The following ADD3 variants were observed in gnomAD, a reference collection of about 807,000 sequenced individuals.
ADD3 encodes gamma-adducin.
Under a neutral mutation model 80.2 loss-of-function variants are expected in ADD3, and 25 were observed. That is an observed-to-expected ratio of 0.31 (90% CI 0.23 to 0.44). The LOEUF (loss-of-function observed/expected upper bound fraction) is 0.44, where lower values mean the gene tolerates loss of function less well. Ranked by LOEUF, ADD3 falls within the 20% of genes least tolerant of loss-of-function variation. The pLI, the probability that ADD3 is intolerant of heterozygous loss-of-function variation, is 1.00. For synonymous variants in ADD3, 284 were observed against 289.6 expected (o/e 0.98, Z 0.20); for missense variants, 829 against 847.5 (o/e 0.98, Z 0.27).
chr10:110,051,350 A>G (rs1857493360), intron 1 of ADD3, among the ~76,000 whole-genome samples: 1 of 152,224 alleles, frequency 6.6e-6, no homozygotes, highest in Non-Finnish European at 1.5e-5. Context: ...AGAAATTAGA[A>G]ACTGCTGCTT....
At chr10:110,119,888 C>A (rs1335787639) in intron 8 of ADD3, among the ~76,000 whole-genome samples, 1 of 152,142 alleles carries the variant, frequency 6.6e-6, no homozygotes, top group Non-Finnish European at 1.5e-5. Context: ...AAAACAGCTG[C>A]AAATCAAGAA....
upstream of ADD3, among the ~76,000 whole-genome samples, chr10:110,006,685 T>G (rs1851660964): frequency 6.6e-6 from 1 of 152,080 alleles, no homozygotes; most frequent in Non-Finnish European, 1.5e-5. Flanking sequence ...AAGACAAGAT[T>G]CATTTTCCAC....
At chr10:110,119,777 G>A (rs1851225934) in intron 8 of ADD3, 3 of 466,326 alleles carry the variant, frequency 6.4e-6, no homozygotes, top group African/African-American at 6.0e-5. Context: ...CACAATCTAA[G>A]GGCCTCATAA....
rs1853505611 is a variant in ADD3, at chr10:110,135,131, G to T, written c.*1513G>T. 1 of 152,324 alleles carries T rather than the reference G, an allele frequency of 6.6e-6. No individual in the cohort carries two copies. 9.4% of individuals were successfully genotyped at this position (152,324 alleles called of 1,614,324 possible). Reference sequence around the variant, plus strand: ...GTGTTTTGGAGCTGGCTCTGTTTGTGTGCATATGATAATGCAGAGTTGAGC... The same window carrying T: ...GTGTTTTGGAGCTGGCTCTGTTTGTTTGCATATGATAATGCAGAGTTGAGC... On this transcript the variant is annotated 3_prime_UTR_variant, in exon 15 of 15. Coordinates refer to ENST00000356080, the MANE Select transcript of ADD3 (RefSeq NM_016824.5).
At chr10:110,042,120 A>G (rs1190375670) in intron 1 of ADD3, among the ~76,000 whole-genome samples, 1 of 151,976 alleles carries the variant, frequency 6.6e-6, no homozygotes, top group African/African-American at 2.4e-5. Context: ...CTTTGTGATT[A>G]GATCTTTGTA....
intron 1 of ADD3, 155 bp downstream of exon 1, chr10:110,008,454 G>C (rs1387737435): frequency 1.3e-5 from 2 of 152,928 alleles, no homozygotes; most frequent in African/African-American, 4.8e-5. Flanking sequence ...CTCATTGGCT[G>C]TCCCTGCGGC....
chr10:110,010,699 CCAGTGGCTAAA>C, intron 1 of ADD3, among the ~76,000 whole-genome samples: 1 of 152,290 alleles, frequency 6.6e-6, no homozygotes, highest in East Asian at 1.9e-4. Context: ...TTCCAACAAC[CCAGTGGCTAAA>C]CAGAGGCATG....
intron 1 of ADD3, among the ~76,000 whole-genome samples, chr10:110,091,655 A>C (rs1847529173): frequency 6.6e-6 from 1 of 152,220 alleles, no homozygotes; most frequent in South Asian, 2.1e-4. Context: ...TCAAAGACTT[A>C]CATGTGAGAC....
At chr10:110,043,938 G>T (rs1024916908) in intron 1 of ADD3, among the ~76,000 whole-genome samples, 23 of 152,184 alleles carry the variant, frequency 1.5e-4, no homozygotes, top group Non-Finnish European at 2.8e-4. Context: ...GCCGGGTGCG[G>T]TGGCTCACGC....
intron 1 of ADD3, among the ~76,000 whole-genome samples, chr10:110,073,131 T>C (rs1470488591): frequency 6.7e-6 from 1 of 149,146 alleles, no homozygotes; most frequent in Non-Finnish European, 1.5e-5. Flanking sequence ...CTTTGAGTTT[T>C]AGTTTTCTTT....
intron 1 of ADD3, among the ~76,000 whole-genome samples, chr10:110,041,534 G>A (rs1589838439): frequency 6.6e-6 from 1 of 152,266 alleles, no homozygotes; most frequent in East Asian, 1.9e-4. Context: ...AAACGAAAGG[G>A]TTGGTTCAAA....
chr10:110,114,611 G>C (rs1850463404), intron 3 of ADD3, among the ~76,000 whole-genome samples: 1 of 152,114 alleles, frequency 6.6e-6, no homozygotes, highest in Non-Finnish European at 1.5e-5. Context: ...ACCCAGGAGA[G>C]GTTAAGGAGG....
In ADD3 at chr10:110,133,584, A is replaced by T; in HGVS notation, c.2087A>T (p.Lys696Ile). The part of the protein sequence containing the change: ...KKKFRTPSFL[K>I]KNKKKEKVEA ...AAATTCCGCACTCCTTCTTTTCTGAAAAAGAACAAAAAAAAGGAGAAAGTT... is the reference window on the plus strand; with the variant it reads ...AAATTCCGCACTCCTTCTTTTCTGATAAAGAACAAAAAAAAGGAGAAAGTT... Residue 696 changes from lysine (K) to isoleucine (I), a missense_variant, in exon 15 of 15, where the codon AAA becomes ATA. Transcript: ENST00000356080. 6.3e-7 allele frequency: 1 copy of T among 1,592,250 alleles called. No individual in the cohort carries two copies. Among genetic ancestry groups the T allele is most frequent in the Non-Finnish European group, 8.5e-7 (1 of 1,172,940 alleles).
In ADD3 at chr10:110,112,681, C is replaced by T; in HGVS notation, c.196-96C>T. On this transcript the variant is annotated intron_variant, in intron 2 of 14. Transcript: ENST00000356080. ...TTAAATAGTACAGGTAAAAGCTATT[C>T]AGAAAAGGGATGGGGTAAAGATTGA... 2.1e-6 allele frequency: 3 copies of T among 1,404,838 alleles called. No homozygotes were observed. The South Asian group carries it at 4.3e-5, about 20-fold the overall frequency. 87.0% of individuals were successfully genotyped at this position (1,404,838 alleles called of 1,614,324 possible).
intron 1 of ADD3, among the ~76,000 whole-genome samples, chr10:110,073,133 GTTTTCTTT>G (rs1844954239): frequency 9.4e-6 from 1 of 106,490 alleles, no homozygotes; most frequent in Non-Finnish European, 1.9e-5. Flanking sequence ...TTGAGTTTTA[GTTTTCTTT>G]TTTTTTTTTT....
rs527804791 is a variant in ADD3 at position 110,037,466 on chromosome 10, G to A, written c.-30+29167G>A. Among the ~76,000 whole-genome samples, 5 of 152,026 alleles carry A rather than the reference G, an allele frequency of 3.3e-5. No homozygotes were observed. The South Asian group carries it at 1.0e-3, about 32-fold the overall frequency. ...CTGAAAATATAAAAACTAGCCAGGC[G>A]TGGTGGTGGGCACCTGTAGTCCCAG... is the stretch of plus-strand genomic sequence containing the variant. On this transcript the variant is annotated intron_variant, in intron 1 of 14. Transcript: ENST00000356080.
upstream of ADD3, among the ~76,000 whole-genome samples, chr10:110,003,084 T>C (rs1851517542): frequency 6.6e-6 from 1 of 152,214 alleles, no homozygotes; most frequent in South Asian, 2.1e-4. Flanking sequence ...CTAACTCCAC[T>C]GATTAAATAC....
rs57540485 is a variant in ADD3, at chr10:110,062,200, TAAAAAAAAAAAAAAA to T, written c.-29-38402_-29-38388del. The stretch of plus-strand genomic sequence containing the variant: ...GAACATGGAGAAACACTGTCTCTAC[TAAAAAAAAAAAAAAA>T]AAAAAAAAAAAAAAAAAAAAAATAC... On this transcript the variant is annotated intron_variant, in intron 1 of 14. Transcript: ENST00000356080. Among the ~76,000 whole-genome samples the T allele has an allele frequency of 9.4e-4, 33 of 35,234 alleles. 1 individual carries two copies. Among genetic ancestry groups the T allele is most frequent in the South Asian group, 2.6e-3 (2 of 770 alleles). 23.1% of individuals were successfully genotyped at this position (35,234 alleles called of 152,430 possible).
At chr10:110,002,975 C>T (rs966004212), upstream of ADD3, among the ~76,000 whole-genome samples, 3 of 152,152 alleles carry the variant, frequency 2.0e-5, no homozygotes, top group Non-Finnish European at 4.4e-5. Flanking sequence ...CCGTGTTAGT[C>T]CTCCCTGCCT....
Sources: allele counts gnomAD v4.1 joint callset (sites outside exome capture counted in the v4.1 genomes callset), GRCh38; gene constraint gnomAD v4.1.1; transcripts MANE v1.5; gene names NCBI Gene and HGNC (gene_info 2026-07-23, HGNC 2026-07-21).